Variants in FRAS1 observed in about 807,000 individuals in gnomAD.
FRAS1 encodes Fraser extracellular matrix complex subunit 1.
Under a neutral mutation model 435.2 loss-of-function variants are expected in FRAS1, and 290 were observed. The observed-to-expected ratio is 0.67, with a 90% confidence interval of 0.61 to 0.73. The LOEUF (loss-of-function observed/expected upper bound fraction) is 0.73, where lower values mean the gene tolerates loss of function less well. Ranked by LOEUF, FRAS1 falls within the 30% of genes least tolerant of loss-of-function variation. The pLI, the probability that FRAS1 is intolerant of heterozygous loss-of-function variation, is 0.00. For missense variants in FRAS1, 4,860 were observed against 5,001.5 expected (o/e 0.97, Z 0.85); for synonymous variants, 1,800 against 1,851.0 (o/e 0.97, Z 0.71).
intron 19 of FRAS1, among the ~76,000 whole-genome samples, 178 bp downstream of exon 19, chr4:78,333,590 T>C (rs887023877): frequency 2.0e-5 from 3 of 152,168 alleles, no homozygotes; most frequent in African/African-American, 7.2e-5. Flanking sequence ...ATTTAGCTCT[T>C]CCAGTAAGGA....
intron 18 of FRAS1, 80 bp from the exon 19 acceptor site, chr4:78,333,192 T>A (rs1007893384): frequency 1.4e-6 from 2 of 1,476,326 alleles, no homozygotes; most frequent in Non-Finnish European, 1.8e-6. Context: ...GACCCAGGAA[T>A]GTTAATGGGA....
chr4:78,356,431 A>G (rs763052902), intron 20 of FRAS1, among the ~76,000 whole-genome samples: 11 of 152,150 alleles, frequency 7.2e-5, no homozygotes, highest in East Asian at 1.9e-4. Flanking sequence ...TTTTAAAAGG[A>G]GTTCTGAGAA....
chr4:78,481,345 C>T (rs1473526423), intron 56 of FRAS1, among the ~76,000 whole-genome samples: 3 of 152,176 alleles, frequency 2.0e-5, no homozygotes, highest in Non-Finnish European at 4.4e-5. Flanking sequence ...TAATTAGAAA[C>T]ATTCAGCTTC....
At chr4:78,393,629 T>C (rs1328683584) in intron 29 of FRAS1, among the ~76,000 whole-genome samples, 2 of 152,108 alleles carry the variant, frequency 1.3e-5, no homozygotes, top group Admixed American at 1.3e-4. Context: ...CTTTTAAGGC[T>C]GAATAATATT....
intron 2 of FRAS1, among the ~76,000 whole-genome samples, chr4:78,184,737 A>G (rs1288753913): frequency 5.3e-5 from 8 of 152,176 alleles, no homozygotes; most frequent in African/African-American, 1.7e-4. Context: ...CCTCATTGAC[A>G]AGGAAGAGCC....
chr4:78,521,458 T>C (rs933921425), intron 67 of FRAS1, 65 bp from the exon 68 acceptor site: 2 of 1,014,244 alleles, frequency 2.0e-6, no homozygotes. Context: ...GGATAACTTA[T>C]ATGTGGTTGC....
intron 2 of FRAS1, among the ~76,000 whole-genome samples, chr4:78,236,963 A>G (rs1427408395): frequency 6.6e-6 from 1 of 152,150 alleles, no homozygotes; most frequent in Non-Finnish European, 1.5e-5. Context: ...CAGGCACAAA[A>G]TAGTCACTCA....
intron 2 of FRAS1, among the ~76,000 whole-genome samples, chr4:78,096,110 A>G (rs1198890962): frequency 2.0e-5 from 3 of 152,206 alleles, no homozygotes; most frequent in Non-Finnish European, 2.9e-5. Flanking sequence ...CAAATGGGAG[A>G]AATTGGCCAA....
intron 2 of FRAS1, among the ~76,000 whole-genome samples, chr4:78,169,313 T>G (rs1236991358): frequency 6.6e-6 from 1 of 152,128 alleles, no homozygotes; most frequent in Non-Finnish European, 1.5e-5. Context: ...CTGTTCTCTC[T>G]CCCTACAACA....
intron 20 of FRAS1, among the ~76,000 whole-genome samples, chr4:78,339,444 G>T (rs1295282133): frequency 6.6e-6 from 1 of 152,210 alleles, no homozygotes; most frequent in Non-Finnish European, 1.5e-5. Context: ...GCAATTTAGG[G>T]ACAGTAACAC....
At position 78,540,796 on chromosome 4, in the gene FRAS1, C is replaced by A; in HGVS notation, c.11711C>A (p.Ala3904Glu). Residue 3904 changes from alanine (A) to glutamate (E), a missense_variant, in exon 74 of 74, where the codon GCG becomes GAG. Physicochemically the swap from Ala to Glu is moderately radical, Grantham distance 107. Transcript: ENST00000512123. ...AVAASLSQTG[A>E]SIGSALAAIM... ...GCTGCGTCCCTGTCACAGACTGGGG[C>A]GTCCATTGGCAGTGCCCTGGCTGCA... The A allele has an allele frequency of 6.2e-7, 1 of 1,613,756 alleles. No individual in the cohort carries two copies. The highest frequency in any genetic ancestry group is 8.5e-7 in the Non-Finnish European group (1 of 1,179,718).
At chr4:78,490,753 C>T (rs1351619893) in intron 59 of FRAS1, among the ~76,000 whole-genome samples, 1 of 151,906 alleles carries the variant, frequency 6.6e-6, no homozygotes, top group Non-Finnish European at 1.5e-5. Flanking sequence ...ACTAGAGAAG[C>T]AAGAGCAAAC....
In FRAS1 at chr4:78,407,791, T is replaced by C. The variant is rs1733159386; in HGVS notation, c.4258T>C (p.Trp1420Arg). 6.2e-7 allele frequency: 1 copy of C among 1,613,834 alleles called. No homozygotes were observed. The highest frequency in any genetic ancestry group is 1.1e-5 in the South Asian group (1 of 91,036). The change falls in exon 31 of 74, where the codon TGG (tryptophan) becomes CGG (arginine). Residue 1420 changes from tryptophan (W) to arginine (R), a missense_variant. Physicochemically the swap from Trp to Arg is moderately radical, Grantham distance 101. Coordinates refer to ENST00000512123, the MANE Select transcript of FRAS1 (RefSeq NM_025074.7). ...GCAGGACATCAATGAAGGCATCGTA[T>C]GGTACAGGCACTCAGGAGCCCCAGC... ...TQQDINEGIV[W>R]YRHSGAPAQS...
intron 4 of FRAS1, among the ~76,000 whole-genome samples, chr4:78,252,060 A>G (rs562539590): frequency 1.7e-4 from 26 of 152,306 alleles, no homozygotes; most frequent in African/African-American, 6.0e-4. Context: ...CAGTAAACAT[A>G]TGTGTATTTG....
intron 2 of FRAS1, among the ~76,000 whole-genome samples, chr4:78,182,809 G>A (rs530985362): frequency 1.3e-5 from 2 of 151,466 alleles, no homozygotes; most frequent in South Asian, 4.2e-4. Context: ...GAACCCAGGA[G>A]GCAGAGGTTG....
chr4:78,418,256 A>T (rs958910059), intron 32 of FRAS1, among the ~76,000 whole-genome samples: 9 of 152,334 alleles, frequency 5.9e-5, no homozygotes, highest in East Asian at 3.9e-4. Context: ...TATGTGCTTT[A>T]ATAAACAAAT....
intron 8 of FRAS1, 50 bp from the exon 9 acceptor site, chr4:78,267,191 G>T: frequency 6.4e-7 from 1 of 1,573,840 alleles, no homozygotes; most frequent in Non-Finnish European, 8.7e-7. Flanking sequence ...TGGCTTGGGT[G>T]TTTCACCGTC....
At chr4:78,188,319 A>G (rs1205962448) in intron 2 of FRAS1, among the ~76,000 whole-genome samples, 1 of 6,200 alleles carries the variant, frequency 1.6e-4, no homozygotes, top group Non-Finnish European at 1.2e-3. Flanking sequence ...CTATCTATCT[A>G]ATCTATCTAT....
At chr4:78,538,314 C>A (rs545732587) in intron 72 of FRAS1, among the ~76,000 whole-genome samples, 3 of 152,154 alleles carry the variant, frequency 2.0e-5, no homozygotes, top group Non-Finnish European at 4.4e-5. Flanking sequence ...TAAACAAAAA[C>A]TCTCTGGGGT....
Sources: gnomAD v4.1 joint callset for allele counts (sites outside exome capture counted in the v4.1 genomes callset) on GRCh38, gnomAD v4.1.1 for gene constraint, MANE v1.5 for transcripts, NCBI Gene and HGNC (gene_info 2026-07-23, HGNC 2026-07-21) for gene names.